The following ZNF410 variants were observed in gnomAD, a reference collection of about 807,000 sequenced individuals.
ZNF410 encodes the protein zinc finger protein 410, also known as another partner for ARF 1.
ZNF410 carries 18 observed loss-of-function variants against 54.8 expected under a neutral mutation model. That is an observed-to-expected ratio of 0.33 (90% confidence interval 0.23 to 0.49). The LOEUF is 0.49. ZNF410 is among the 20% of genes least tolerant of loss of function. ZNF410 has a pLI of 0.99. For missense variants in ZNF410, 405 were observed against 569.6 expected (o/e 0.71, Z 2.94); for synonymous variants, 191 against 207.3 (o/e 0.92, Z 0.68).
intron 4 of ZNF410, 43 bp from the exon 5 acceptor site, chr14:73,898,028 G>A: frequency 6.6e-7 from 1 of 1,504,782 alleles, no homozygotes; most frequent in Non-Finnish European, 9.0e-7. Context: ...CAAATAAAAA[G>A]CTTGCTTGGT....
chr14:73,923,233 T>C (rs1467124555), intron 10 of ZNF410, among the ~76,000 whole-genome samples, 162 bp from the exon 11 acceptor site: 2 of 152,186 alleles, frequency 1.3e-5, no homozygotes, highest in African/African-American at 4.8e-5. Flanking sequence ...ACTTTCCAAA[T>C]TCACTGATAA....
At chr14:73,904,167 C>T in intron 6 of ZNF410, 57 bp downstream of exon 6, 2 of 1,561,972 alleles carry the variant, frequency 1.3e-6, no homozygotes, top group Non-Finnish European at 1.7e-6. Context: ...GTTGATTCTT[C>T]CAGAGGAACT....
intron 10 of ZNF410, 157 bp downstream of exon 10, chr14:73,922,363 A>G (rs970063529): frequency 2.7e-6 from 2 of 742,354 alleles, no homozygotes; most frequent in African/African-American, 1.8e-5. Context: ...GGATTAGTCA[A>G]TCTGTTTAAA....
chr14:73,917,197 A>T (rs2055680619), intron 8 of ZNF410, among the ~76,000 whole-genome samples: 1 of 152,202 alleles, frequency 6.6e-6, no homozygotes, highest in African/African-American at 2.4e-5. Flanking sequence ...TTTCAAAATG[A>T]TAATACCAAT....
At chr14:73,913,352 G>A (rs1483915692) in intron 8 of ZNF410, 1 of 152,058 alleles carries the variant, frequency 6.6e-6, no homozygotes, top group African/African-American at 2.4e-5. Context: ...GAGAAGCCAA[G>A]GCCAAAGGAA....
chr14:73,899,969 G>A (rs1566654235), intron 5 of ZNF410, among the ~76,000 whole-genome samples: 1 of 152,048 alleles, frequency 6.6e-6, no homozygotes, highest in Non-Finnish European at 1.5e-5. Context: ...GCCGAGGCAG[G>A]CAGATCATCT....
chr14:73,889,795 GTTT>G (rs36076151), intron 1 of ZNF410, among the ~76,000 whole-genome samples: 5 of 119,880 alleles, frequency 4.2e-5, no homozygotes, highest in African/African-American at 1.4e-4. Context: ...TAAATGGTTA[GTTT>G]TTTTTTTTTT....
intron 8 of ZNF410, among the ~76,000 whole-genome samples, chr14:73,918,709 T>C (rs1410041578): frequency 7.4e-6 from 1 of 135,528 alleles, no homozygotes; most frequent in Non-Finnish European, 1.6e-5. Context: ...TTTTTTTTTT[T>C]TTTTTCCCCT....
intron 8 of ZNF410, 173 bp downstream of exon 8, chr14:73,909,603 A>T: frequency 2.2e-6 from 1 of 444,722 alleles, no homozygotes; most frequent in Non-Finnish European, 4.0e-6. Context: ...CTTATAATCA[A>T]GGTTGGGGGG....
chr14:73,918,622 C>T (rs1227445366), intron 8 of ZNF410, among the ~76,000 whole-genome samples: 1 of 151,436 alleles, frequency 6.6e-6, no homozygotes, highest in African/African-American at 2.4e-5. Flanking sequence ...CTTTCTCCAG[C>T]CCCTGGCAAC....
At chr14:73,915,822 A>C (rs1205087558) in intron 8 of ZNF410, 1 of 152,110 alleles carries the variant, frequency 6.6e-6, no homozygotes, top group East Asian at 1.9e-4. Context: ...TACTAATTTT[A>C]CTGCTAGTAG....
intron 5 of ZNF410, among the ~76,000 whole-genome samples, chr14:73,900,350 G>T (rs957291151): frequency 6.6e-6 from 1 of 151,414 alleles, no homozygotes; most frequent in Non-Finnish European, 1.5e-5. Flanking sequence ...GAAGCTTTAT[G>T]ATTTTGGTTA....
intron 8 of ZNF410, among the ~76,000 whole-genome samples, chr14:73,918,767 C>T (rs990772470): frequency 1.5e-5 from 2 of 133,986 alleles, no homozygotes; most frequent in Non-Finnish European, 1.5e-5. Flanking sequence ...GGCGTGATGT[C>T]GGCTCACTGC....
chr14:73,917,207 T>G (rs540492015), intron 8 of ZNF410, among the ~76,000 whole-genome samples: 19 of 152,304 alleles, frequency 1.2e-4, no homozygotes, highest in African/African-American at 4.3e-4. Context: ...ATAATACCAA[T>G]ATTATCAATT....
Position 73,904,036 on chromosome 14 carries a change from C to G in ZNF410, c.657C>G (p.Leu219=), listed in dbSNP as rs372362861. ...SGPLPQVEKK[L]KCTVEGCDRT... The stretch of plus-strand genomic sequence containing the variant: ...CCCTTCCTCAAGTGGAAAAGAAGCT[C>G]AAGTGTACAGTTGAAGGTTGTGACC... Residue 219 remains leucine (L), a synonymous_variant, in exon 6 of 12, where the codon CTC becomes CTG. Transcript: ENST00000555044. 1.4e-5 allele frequency: 22 copies of G among 1,614,054 alleles called. No homozygotes were observed. The highest frequency in any genetic ancestry group is 1.6e-4 in the Middle Eastern group (1 of 6,084).
chr14:73,898,154 A>C lies in ZNF410; in HGVS notation c.472A>C (p.Thr158Pro). ...SGNDFLSSES[T>P]DSSIPWFLRV... ...GAATGATTTCCTCTCCAGTGAGAGCACAGACAGTAGCATTCCATGGTTCCT... is the reference window on the plus strand; with the variant it reads ...GAATGATTTCCTCTCCAGTGAGAGCCCAGACAGTAGCATTCCATGGTTCCT... Residue 158 changes from threonine to proline, a missense_variant, in exon 5 of 12, where the codon ACA becomes CCA. Physicochemically the swap from Thr to Pro is conservative, Grantham distance 38 (BLOSUM62 -1). Transcript: ENST00000555044. The C allele has an allele frequency of 6.2e-6, 10 of 1,614,166 alleles. No homozygotes were observed. The highest frequency in any genetic ancestry group is 8.5e-6 in the Non-Finnish European group (10 of 1,180,028).
In ZNF410 at chr14:73,904,980, G is replaced by A; in HGVS notation, c.810G>A (p.Met270Ile). Residue 270 changes from methionine to isoleucine, a missense_variant, in exon 7 of 12, where the codon ATG (methionine) becomes ATA (isoleucine). Physicochemically the swap from Met to Ile is conservative, Grantham distance 10. Coordinates refer to ENST00000555044, the MANE Select transcript of ZNF410 (RefSeq NM_021188.3). ...TGCTGCAGAGGCTGAAGGTGCACAT[G>A]AGGACCCACAATGGAGAGAAGCCCT... ...FYVLQRLKVHMRTHNGEKPFM... is the reference protein window; with the variant it reads ...FYVLQRLKVHIRTHNGEKPFM... 1 of 1,614,212 alleles carries A rather than the reference G, an allele frequency of 6.2e-7. No homozygotes were observed. The highest frequency in any genetic ancestry group is 1.1e-5 in the South Asian group (1 of 91,076).
At chr14:73,923,275 T>C (rs556868885) in intron 10 of ZNF410, 120 bp from the exon 11 acceptor site, 2 of 1,151,498 alleles carry the variant, frequency 1.7e-6, no homozygotes, top group African/African-American at 3.1e-5. Flanking sequence ...TTGGAAGAAA[T>C]AGAGGAATGT....
chr14:73,889,899 C>A (rs781155430), intron 1 of ZNF410, among the ~76,000 whole-genome samples: 14 of 150,372 alleles, frequency 9.3e-5, no homozygotes, highest in Non-Finnish European at 2.1e-4. Flanking sequence ...TAGGTCCAAG[C>A]GATTCCCCTA....
Sources: gnomAD v4.1 joint callset for allele counts (sites outside exome capture counted in the v4.1 genomes callset) on GRCh38, gnomAD v4.1.1 for gene constraint, MANE v1.5 for transcripts, NCBI Gene and HGNC (gene_info 2026-07-23, HGNC 2026-07-21) for gene names.